The following SGCZ variants were observed in gnomAD, a reference collection of about 807,000 sequenced individuals.
SGCZ encodes the protein sarcoglycan zeta.
SGCZ carries 40 observed loss-of-function variants against 41.3 expected under a neutral mutation model. The ratio of observed to expected loss-of-function variants is 0.97; its 90% CI spans 0.75 to 1.26. The LOEUF is 1.26. Among genes scored for constraint, SGCZ ranks in the 50% most tolerant of loss-of-function variants. The pLI, the probability that SGCZ is intolerant of heterozygous loss-of-function variation, is 0.00. For synonymous variants in SGCZ, 206 were observed against 137.5 expected (o/e 1.50, Z -3.49); for missense variants, 552 against 369.8 (o/e 1.49, Z -4.04).
At chr8:14,341,923 A>G (rs1276602633) in intron 2 of SGCZ, among the ~76,000 whole-genome samples, 2 of 152,192 alleles carry the variant, frequency 1.3e-5, no homozygotes, top group Non-Finnish European at 2.9e-5. Context: ...CTTTATCAGC[A>G]GTGTGAAAAC....
intron 2 of SGCZ, among the ~76,000 whole-genome samples, chr8:14,425,967 T>C (rs186885816): frequency 6.6e-6 from 1 of 152,282 alleles, no homozygotes; most frequent in Admixed American, 6.5e-5. Flanking sequence ...TATTCCACAA[T>C]TTTAAAGCAC....
chr8:14,862,206 C>T (rs1803773510), intron 1 of SGCZ, among the ~76,000 whole-genome samples: 1 of 151,880 alleles, frequency 6.6e-6, no homozygotes, highest in Non-Finnish European at 1.5e-5. Flanking sequence ...AAGGGCTTTC[C>T]TATTATTCAA....
chr8:14,769,235 G>C (rs1279587573), intron 1 of SGCZ, among the ~76,000 whole-genome samples: 1 of 152,080 alleles, frequency 6.6e-6, no homozygotes, highest in African/African-American at 2.4e-5. Flanking sequence ...AAAAAATAAT[G>C]AGAATAATAA....
chr8:14,091,084 G>A (rs981164068), intron 7 of SGCZ, among the ~76,000 whole-genome samples: 2 of 151,922 alleles, frequency 1.3e-5, no homozygotes, highest in African/African-American at 2.4e-5. Flanking sequence ...AGAACATGCA[G>A]TGTTTGGTTT....
chr8:14,402,743 T>C (rs1414407721), intron 2 of SGCZ, among the ~76,000 whole-genome samples: 1 of 147,176 alleles, frequency 6.8e-6, no homozygotes. Flanking sequence ...GCTTTGTTCT[T>C]TTGGCTTAGG....
At chr8:14,207,524 G>T (rs979019269) in intron 4 of SGCZ, among the ~76,000 whole-genome samples, 1 of 151,998 alleles carries the variant, frequency 6.6e-6, no homozygotes. Flanking sequence ...AGTCAACATT[G>T]ATCTAGTTTT....
chr8:14,827,209 T>C (rs1802360408), intron 1 of SGCZ, among the ~76,000 whole-genome samples: 1 of 151,112 alleles, frequency 6.6e-6, no homozygotes, highest in South Asian at 2.1e-4. Flanking sequence ...GTTAAGTCTC[T>C]GTTTATATCA....
In SGCZ at chr8:14,085,688, C is replaced by T. The variant is rs1044495194; in HGVS notation, c.*4755G>A. Among the ~76,000 whole-genome samples the T allele has an allele frequency of 8.6e-5, 13 of 151,794 alleles. No individual in the cohort carries two copies. The highest frequency in any genetic ancestry group is 8.6e-4 in the Admixed American group (13 of 15,190). ...GGCCCATTTTGGGATACGGTCTTTG[C>T]ATATAGGTTTTATGAATACCAAGGA... On this transcript the variant is annotated 3_prime_UTR_variant, in exon 8 of 8. Coordinates refer to ENST00000382080, the MANE Select transcript of SGCZ (RefSeq NM_139167.4).
intron 1 of SGCZ, among the ~76,000 whole-genome samples, chr8:14,955,095 T>C (rs781605627): frequency 5.3e-5 from 8 of 152,148 alleles, no homozygotes; most frequent in Non-Finnish European, 5.9e-5. Context: ...TCCTTTTTTC[T>C]TCAATAGTAA....
chr8:14,454,222 CT>C (rs1254341087), intron 2 of SGCZ, among the ~76,000 whole-genome samples: 2 of 152,118 alleles, frequency 1.3e-5, no homozygotes, highest in East Asian at 3.9e-4. Flanking sequence ...GTTGATTGGT[CT>C]GCTTTACCAG....
chr8:14,187,709 T>G (rs556219418), intron 4 of SGCZ, among the ~76,000 whole-genome samples: 1 of 151,942 alleles, frequency 6.6e-6, no homozygotes, highest in African/African-American at 2.4e-5. Context: ...CAGGACACCA[T>G]TAAGAATGTG....
chr8:14,889,361 T>C (rs954949469), intron 1 of SGCZ, among the ~76,000 whole-genome samples: 3 of 152,104 alleles, frequency 2.0e-5, no homozygotes, highest in African/African-American at 4.8e-5. Flanking sequence ...ATTTAAAAAA[T>C]TGTGCTCAAG....
intron 5 of SGCZ, among the ~76,000 whole-genome samples, chr8:14,133,336 A>G (rs1353121337): frequency 2.0e-5 from 3 of 152,160 alleles, no homozygotes; most frequent in South Asian, 2.1e-4. Context: ...TTAACCTAAC[A>G]TCTGTCTGTC....
chr8:14,446,916 G>A (rs1248519880), intron 2 of SGCZ, among the ~76,000 whole-genome samples: 5 of 152,138 alleles, frequency 3.3e-5, no homozygotes, highest in Non-Finnish European at 7.4e-5. Context: ...TTACACCAAC[G>A]AAATATAATT....
At chr8:14,724,297 A>G (rs1480524515) in intron 1 of SGCZ, among the ~76,000 whole-genome samples, 1 of 150,192 alleles carries the variant, frequency 6.7e-6, no homozygotes, top group African/African-American at 2.5e-5. Flanking sequence ...GTGTACATAC[A>G]TAAGTGTATA....
At chr8:14,789,178 G>T (rs1342112975) in intron 1 of SGCZ, among the ~76,000 whole-genome samples, 1 of 151,950 alleles carries the variant, frequency 6.6e-6, no homozygotes, top group African/African-American at 2.4e-5. Flanking sequence ...ATGCTTGGGG[G>T]CCATTTTAAA....
intron 2 of SGCZ, among the ~76,000 whole-genome samples, chr8:14,371,452 A>G (rs1409455608): frequency 2.0e-5 from 3 of 152,132 alleles, no homozygotes; most frequent in African/African-American, 7.2e-5. Context: ...GACTATATCC[A>G]TTAAAATAAA....
intron 2 of SGCZ, among the ~76,000 whole-genome samples, chr8:14,374,206 T>C (rs1374610714): frequency 2.0e-5 from 3 of 151,954 alleles, no homozygotes; most frequent in African/African-American, 7.3e-5. Flanking sequence ...GGCAAAACAC[T>C]GTCTCTACAC....
At chr8:14,185,689 G>A (rs1804881135) in intron 4 of SGCZ, among the ~76,000 whole-genome samples, 1 of 151,714 alleles carries the variant, frequency 6.6e-6, no homozygotes. Context: ...GTTTTGTTTT[G>A]TTTTGGTCTA....
Sources: allele counts gnomAD v4.1 joint callset (sites outside exome capture counted in the v4.1 genomes callset), GRCh38; gene constraint gnomAD v4.1.1; transcripts MANE v1.5; gene names NCBI Gene and HGNC (gene_info 2026-07-23, HGNC 2026-07-21).